Variants in TACC2 observed in about 807,000 individuals in gnomAD.
The protein encoded by TACC2 is transforming acidic coiled-coil containing protein 2.
Under a neutral mutation model 227.3 loss-of-function variants are expected in TACC2, and 137 were observed. The observed-to-expected ratio is 0.60, with a 90% CI of 0.52 to 0.69. The LOEUF is 0.69. Ranked by LOEUF, TACC2 falls within the 30% of genes least tolerant of loss-of-function variation. The probability of loss-of-function intolerance (pLI) is 0.00; values close to 1 mark genes in which losing one functional copy is unlikely to be tolerated. For synonymous variants in TACC2, 1,523 were observed against 1,487.5 expected (o/e 1.02, Z -0.55); for missense variants, 3,470 against 3,694.4 (o/e 0.94, Z 1.57).
intron 2 of TACC2, chr10:122,033,187 C>G (rs1371478374): frequency 7.9e-7 from 1 of 1,261,978 alleles, no homozygotes; most frequent in Non-Finnish European, 1.0e-6. Flanking sequence ...CATGGCTTCC[C>G]TCTCAGCCCC....
intron 7 of TACC2, among the ~76,000 whole-genome samples, chr10:122,169,753 A>G (rs1428239379): frequency 6.6e-6 from 1 of 151,986 alleles, no homozygotes; most frequent in Non-Finnish European, 1.5e-5. Flanking sequence ...TGAGCACTGT[A>G]ATTTTCCTTT....
intron 8 of TACC2, among the ~76,000 whole-genome samples, chr10:122,204,184 A>AG (rs2095020345): frequency 1.1e-4 from 1 of 8,760 alleles, no homozygotes; most frequent in African/African-American, 4.4e-4. Context: ...GGAGAGGGAG[A>AG]GGGGGAGGGG....
chr10:122,163,262 T>C (rs1338320540), intron 7 of TACC2, among the ~76,000 whole-genome samples: 2 of 151,874 alleles, frequency 1.3e-5, no homozygotes, highest in African/African-American at 4.8e-5. Context: ...GCCATCCCCT[T>C]AGTCCTGGGC....
chr10:122,105,070 G>A (rs1023175074), intron 5 of TACC2, among the ~76,000 whole-genome samples: 3 of 152,236 alleles, frequency 2.0e-5, no homozygotes, highest in African/African-American at 4.8e-5. Context: ...AGTTCATGCT[G>A]TCTGGCATGC....
At position 122,211,015 on chromosome 10, in the gene TACC2, T is replaced by C. The variant is rs2295873; in HGVS notation, c.6590T>C (p.Val2197Ala). 261,578 of 1,611,660 alleles carry C rather than the reference T, an allele frequency of 0.16. 33,142 individuals are homozygous for C. The highest frequency in any genetic ancestry group is 0.65 in the African/African-American group (48,396 of 74,704). ...LLEETPLEPA[V>A]GPKAACPLDS... Reference sequence around the variant, plus strand: ...GAGGAGACGCCCCTTGAGCCCGCTGTGGGGCCCAAAGCTGCCTGCCCTCTG... The same window carrying C: ...GAGGAGACGCCCCTTGAGCCCGCTGCGGGGCCCAAAGCTGCCTGCCCTCTG... Residue 2197 changes from valine to alanine, a missense_variant, in exon 9 of 23, where the codon GTG becomes GCG. Coordinates refer to ENST00000369005, the MANE Select transcript of TACC2 (RefSeq NM_206862.4).
At chr10:122,004,016 C>T (rs1238096716) in intron 1 of TACC2, among the ~76,000 whole-genome samples, 1 of 151,920 alleles carries the variant, frequency 6.6e-6, no homozygotes, top group Admixed American at 6.6e-5. Context: ...GCCTGTAATC[C>T]TAGCACTTTG....
intron 2 of TACC2, among the ~76,000 whole-genome samples, chr10:122,031,024 C>T (rs989324900): frequency 2.0e-5 from 3 of 152,154 alleles, no homozygotes; most frequent in Middle Eastern, 3.2e-3. Flanking sequence ...CACCTACTTC[C>T]ACCCCCCCAT....
intron 7 of TACC2, among the ~76,000 whole-genome samples, chr10:122,145,380 G>A (rs529021748): frequency 6.1e-5 from 9 of 147,096 alleles, no homozygotes; most frequent in African/African-American, 2.2e-4. Context: ...TTGATGAATC[G>A]CAAATGCATT....
At chr10:122,232,885 G>C (rs2095786732) in intron 16 of TACC2, among the ~76,000 whole-genome samples, 1 of 152,188 alleles carries the variant, frequency 6.6e-6, no homozygotes, top group South Asian at 2.1e-4. Flanking sequence ...AGGTGACACA[G>C]CTCTGTCATT....
chr10:121,990,642 C>CA (rs1349475684), intron 1 of TACC2, among the ~76,000 whole-genome samples: 2 of 152,130 alleles, frequency 1.3e-5, no homozygotes, highest in Non-Finnish European at 2.9e-5. Context: ...TCTAATGCCC[C>CA]TCTGCCCTAA....
At chr10:122,166,873 A>G (rs1298846381) in intron 7 of TACC2, among the ~76,000 whole-genome samples, 2 of 152,212 alleles carry the variant, frequency 1.3e-5, no homozygotes, top group Admixed American at 1.3e-4. Flanking sequence ...CCCACAGAAA[A>G]CACTTATTTC....
At chr10:122,062,533 C>T (rs1024721085) in intron 3 of TACC2, among the ~76,000 whole-genome samples, 5 of 150,938 alleles carry the variant, frequency 3.3e-5, no homozygotes, top group Non-Finnish European at 4.4e-5. Context: ...AGGCTGGTCT[C>T]GAACTCCCGA....
rs1047339701 is a variant in TACC2, at chr10:122,238,052, T to C, written c.8348+15T>C. The C allele has an allele frequency of 1.2e-6, 2 of 1,611,182 alleles. No homozygotes were observed. The highest frequency in any genetic ancestry group is 1.3e-5 in the African/African-American group (1 of 74,872). On this transcript the variant is annotated intron_variant, in intron 18 of 22. Transcript: ENST00000369005. ...ATGGAAATGAGGTCAGTTGGGGAGC[T>C]GGGCCTTCCTCGTGCCTGAGGGATA... is the stretch of plus-strand genomic sequence containing the variant.
intron 3 of TACC2, among the ~76,000 whole-genome samples, chr10:122,061,091 C>T (rs1247998797): frequency 6.7e-6 from 1 of 149,746 alleles, no homozygotes; most frequent in Non-Finnish European, 1.5e-5. Flanking sequence ...GGGCAGATCA[C>T]GAGGTCAGGA....
intron 5 of TACC2, among the ~76,000 whole-genome samples, chr10:122,124,653 G>C (rs529406276): frequency 1.3e-5 from 2 of 152,276 alleles, no homozygotes; most frequent in South Asian, 4.1e-4. Flanking sequence ...AGCTCCATGT[G>C]TGCTGGGGAG....
At chr10:122,018,707 A>T (rs1448924500) in intron 1 of TACC2, among the ~76,000 whole-genome samples, 1 of 152,164 alleles carries the variant, frequency 6.6e-6, no homozygotes, top group Non-Finnish European at 1.5e-5. Flanking sequence ...TCGTTGTAGC[A>T]TGTCAGTACT....
intron 5 of TACC2, among the ~76,000 whole-genome samples, chr10:122,123,917 A>G (rs2086330549): frequency 6.7e-6 from 1 of 149,580 alleles, no homozygotes; most frequent in Non-Finnish European, 1.5e-5. Context: ...AGGGTTAAGC[A>G]ATTCTCTTGC....
At chr10:122,144,586 A>G (rs1309425676) in intron 7 of TACC2, among the ~76,000 whole-genome samples, 2 of 152,338 alleles carry the variant, frequency 1.3e-5, no homozygotes, top group East Asian at 3.9e-4. Context: ...GGGCAAGAAT[A>G]TAAGGGGTGC....
chr10:122,221,201 G>A (rs1394968323), intron 11 of TACC2, among the ~76,000 whole-genome samples: 2 of 152,252 alleles, frequency 1.3e-5, no homozygotes, highest in Non-Finnish European at 2.9e-5. Context: ...CACGGATGAA[G>A]AACTCATTGA....
Sources: allele counts gnomAD v4.1 joint callset (sites outside exome capture counted in the v4.1 genomes callset), GRCh38; gene constraint gnomAD v4.1.1; transcripts MANE v1.5; gene names NCBI Gene and HGNC (gene_info 2026-07-23, HGNC 2026-07-21).